SLC10A7: variants seen among roughly 807,000 people sequenced by gnomAD.
SLC10A7 encodes the protein solute carrier family 10 member 7.
A neutral mutation model predicts 43.2 loss-of-function variants in SLC10A7; 29 were observed. That is an observed-to-expected ratio of 0.67 (90% CI 0.50 to 0.92). The LOEUF is 0.92. Ranked by LOEUF, SLC10A7 falls within the 40% of genes least tolerant of loss-of-function variation. The pLI is 0.00. For synonymous variants in SLC10A7, 152 were observed against 144.8 expected, an observed-to-expected ratio of 1.05 and a Z score of -0.35; for missense variants, 295 against 403.2, an observed-to-expected ratio of 0.73 and a Z score of 2.30.
intron 5 of SLC10A7, among the ~76,000 whole-genome samples, chr4:146,389,662 C>A (rs1738271492): frequency 6.6e-6 from 1 of 152,180 alleles, no homozygotes; most frequent in Admixed American, 6.5e-5. Context: ...CTCCTTAGCA[C>A]AACATAGTGT....
chr4:146,337,591 T>C (rs1292921006), intron 5 of SLC10A7, among the ~76,000 whole-genome samples: 2 of 152,014 alleles, frequency 1.3e-5, no homozygotes, highest in East Asian at 1.9e-4. Flanking sequence ...ATAGCCAATA[T>C]TTATTGAGGT....
At chr4:146,387,784 G>A (rs1738118647) in intron 5 of SLC10A7, among the ~76,000 whole-genome samples, 1 of 152,010 alleles carries the variant, frequency 6.6e-6, no homozygotes, top group Non-Finnish European at 1.5e-5. Context: ...ATATATCAAT[G>A]GCAATCCAGT....
chr4:146,316,350 G>C (rs1578864314), intron 6 of SLC10A7, among the ~76,000 whole-genome samples: 1 of 151,188 alleles, frequency 6.6e-6, no homozygotes, highest in Non-Finnish European at 1.5e-5. Flanking sequence ...CCCCCTGGGT[G>C]CTGGTATTGG....
chr4:146,461,075 A>C (rs563912459), intron 4 of SLC10A7, among the ~76,000 whole-genome samples: 7 of 152,006 alleles, frequency 4.6e-5, no homozygotes, highest in Non-Finnish European at 1.0e-4. Context: ...ATGTCTTTTC[A>C]CGTCATTATT....
At chr4:146,407,517 C>A (rs959174370) in intron 5 of SLC10A7, among the ~76,000 whole-genome samples, 5 of 152,208 alleles carry the variant, frequency 3.3e-5, no homozygotes, top group African/African-American at 1.2e-4. Flanking sequence ...TTTATATACA[C>A]TGAACAACCA....
intron 5 of SLC10A7, among the ~76,000 whole-genome samples, chr4:146,432,022 G>A (rs886790643): frequency 6.6e-6 from 1 of 152,112 alleles, no homozygotes; most frequent in Non-Finnish European, 1.5e-5. Context: ...TGGCAAATAA[G>A]CACATAAAAA....
intron 5 of SLC10A7, among the ~76,000 whole-genome samples, chr4:146,426,505 C>T (rs1220919957): frequency 6.6e-6 from 1 of 151,992 alleles, no homozygotes; most frequent in African/African-American, 2.4e-5. Flanking sequence ...ATAGCAAAAC[C>T]CCATCTCTAC....
At chr4:146,468,565 G>T (rs1194353638) in intron 4 of SLC10A7, among the ~76,000 whole-genome samples, 1 of 151,676 alleles carries the variant, frequency 6.6e-6, no homozygotes, top group Non-Finnish European at 1.5e-5. Context: ...TGCCTCCAGG[G>T]TTTAAGCAAG....
At chr4:146,436,455 G>A (rs889133784) in intron 5 of SLC10A7, among the ~76,000 whole-genome samples, 1 of 152,060 alleles carries the variant, frequency 6.6e-6, no homozygotes, top group African/African-American at 2.4e-5. Flanking sequence ...GAGGTGTCAT[G>A]TAAAAAATGA....
chr4:146,340,226 G>A (rs987803611), intron 5 of SLC10A7, among the ~76,000 whole-genome samples: 7 of 151,810 alleles, frequency 4.6e-5, no homozygotes, highest in Admixed American at 1.3e-4. Context: ...GCTCTCCAAA[G>A]CCTGATGGAA....
At chr4:146,444,324 T>A (rs948340193) in intron 4 of SLC10A7, among the ~76,000 whole-genome samples, 1 of 152,200 alleles carries the variant, frequency 6.6e-6, no homozygotes, top group Non-Finnish European at 1.5e-5. Context: ...GGTCTTCCCC[T>A]TTGAGCCTGT....
intron 10 of SLC10A7, among the ~76,000 whole-genome samples, chr4:146,272,623 TAAATAATTGGAGAGATGC>T (rs1437802743): frequency 6.6e-6 from 1 of 152,098 alleles, no homozygotes; most frequent in African/African-American, 2.4e-5. Flanking sequence ...CATGACCAAA[TAAATAATTGGAGAGATGC>T]AACTCTGAAA....
Position 146,294,060 on chromosome 4 carries a change from T to C in SLC10A7, c.591A>G (p.Arg197=), listed in dbSNP as rs765123815. The C allele has an allele frequency of 6.2e-7, 1 of 1,611,290 alleles. No individual in the cohort carries two copies. Among genetic ancestry groups the C allele is most frequent in the East Asian group, 2.2e-5 (1 of 44,822 alleles). The change falls in exon 8 of 12, where the codon AGA becomes AGG. Residue 197 remains arginine (R), a synonymous_variant. Coordinates refer to ENST00000335472, the MANE Select transcript of SLC10A7 (RefSeq NM_001029998.6). ...TGATAGCACCAAAAGGAGGCTTCTTTCTCTCAAGCCAATCCTTGATGTATC... is the reference window on the plus strand; with the variant it reads ...TGATAGCACCAAAAGGAGGCTTCTTCCTCTCAAGCCAATCCTTGATGTATC... ...VRRYIKDWLE[R]KKPPFGAISS... is the part of the protein sequence containing the mutation.
At position 146,255,303 on chromosome 4, in the gene SLC10A7, T is replaced by A. The variant is rs1425959105; in HGVS notation, c.*1188A>T. On this transcript the variant is annotated 3_prime_UTR_variant, in exon 12 of 12. Coordinates refer to ENST00000335472, the MANE Select transcript of SLC10A7 (RefSeq NM_001029998.6). ...ACTCATTTGAAAGCTGCTGCCCCGT[T>A]GGGAACTAATTTTACTTGATATTTT... 1 of 152,648 alleles carries A rather than the reference T, an allele frequency of 6.6e-6. No individual in the cohort carries two copies. The highest frequency in any genetic ancestry group is 1.5e-5 in the Non-Finnish European group (1 of 68,028). The allele number at this position is 152,648 out of a possible 1,614,324, so 9.5% of individuals were successfully genotyped here. A position where few individuals can be genotyped will look rare whatever the true frequency, so the allele number is the denominator to read the frequency against.
chr4:146,411,007 G>A (rs1011337244), intron 5 of SLC10A7, among the ~76,000 whole-genome samples: 1 of 151,442 alleles, frequency 6.6e-6, no homozygotes, highest in African/African-American at 2.4e-5. Context: ...TTTTTGTACT[G>A]TTTTTTTTAG....
chr4:146,259,739 A>T (rs1459912488), intron 10 of SLC10A7, among the ~76,000 whole-genome samples: 3 of 152,220 alleles, frequency 2.0e-5, no homozygotes, highest in Non-Finnish European at 4.4e-5. Flanking sequence ...ATAGAGCATA[A>T]TTTTTGAGCT....
At chr4:146,475,030 C>A (rs1733908179) in intron 4 of SLC10A7, among the ~76,000 whole-genome samples, 1 of 152,142 alleles carries the variant, frequency 6.6e-6, no homozygotes. Context: ...CCAGTTCAAT[C>A]TGGTGGTATA....
At chr4:146,437,032 T>C (rs1426123040) in intron 5 of SLC10A7, among the ~76,000 whole-genome samples, 1 of 152,088 alleles carries the variant, frequency 6.6e-6, no homozygotes, top group Non-Finnish European at 1.5e-5. Context: ...CTCCTTCCTG[T>C]CTTCTCTCTT....
At chr4:146,500,757 G>C (rs1456163072) in intron 4 of SLC10A7, among the ~76,000 whole-genome samples, 1 of 151,878 alleles carries the variant, frequency 6.6e-6, no homozygotes, top group Non-Finnish European at 1.5e-5. Context: ...CCTCAAAACA[G>C]TTGTCTCTAC....
Sources: gnomAD v4.1 joint callset for allele counts (sites outside exome capture counted in the v4.1 genomes callset) on GRCh38, gnomAD v4.1.1 for gene constraint, MANE v1.5 for transcripts, NCBI Gene and HGNC (gene_info 2026-07-23, HGNC 2026-07-21) for gene names.